CSMD1: variants seen among roughly 807,000 people sequenced by gnomAD.
CSMD1 encodes the protein CUB and Sushi multiple domains 1.
CSMD1 carries 213 observed loss-of-function variants against 417.5 expected under a neutral mutation model. The observed-to-expected ratio is 0.51, with a 90% confidence interval of 0.46 to 0.57. CSMD1 has a LOEUF of 0.57. Among genes scored for constraint, CSMD1 ranks in the 20% least tolerant of loss-of-function variants. The pLI, the probability that CSMD1 is intolerant of heterozygous loss-of-function variation, is 0.00. For synonymous variants in CSMD1, 2,862 were observed against 1,736.8 expected, an observed-to-expected ratio of 1.65 and a Z score of -16.11; for missense variants, 6,923 against 4,529.7, an observed-to-expected ratio of 1.53 and a Z score of -15.17.
intron 2 of CSMD1, among the ~76,000 whole-genome samples, chr8:4,426,346 A>G (rs568545317): frequency 1.3e-5 from 2 of 150,712 alleles, no homozygotes; most frequent in East Asian, 1.9e-4. Context: ...TATAGCATAT[A>G]ATTTTGAAAA....
Position 4,428,841 on chromosome 8 carries a change from C to A in CSMD1, c.303-8776G>T, listed in dbSNP as rs567129565. Among the ~76,000 whole-genome samples the A allele has an allele frequency of 2.6e-5, 4 of 152,146 alleles. No homozygotes were observed. The East Asian group carries it at 7.8e-4, about 29-fold the overall frequency. ...TTGAAGGATTCTCCTGCCTCAGCCTCCTGAGTATCTGGGATTACAGGCACC... is the reference window on the plus strand; with the variant it reads ...TTGAAGGATTCTCCTGCCTCAGCCTACTGAGTATCTGGGATTACAGGCACC... On this transcript the variant is annotated intron_variant, in intron 2 of 69. Transcript: ENST00000635120.
At chr8:4,268,739 C>G (rs760596266) in intron 3 of CSMD1, among the ~76,000 whole-genome samples, 9 of 150,746 alleles carry the variant, frequency 6.0e-5, no homozygotes, top group African/African-American at 2.2e-4. Context: ...CCACTTAATT[C>G]TATTAAATTG....
chr8:3,257,371 T>C (rs541005885), intron 26 of CSMD1, among the ~76,000 whole-genome samples: 18 of 152,336 alleles, frequency 1.2e-4, no homozygotes, highest in African/African-American at 4.1e-4. Context: ...TCAGTTCTAC[T>C]CACTTGGGAC....
intron 2 of CSMD1, among the ~76,000 whole-genome samples, chr8:4,578,207 C>A (rs939389082): frequency 6.6e-6 from 1 of 152,080 alleles, no homozygotes; most frequent in South Asian, 2.1e-4. Flanking sequence ...GTTGCCCACG[C>A]TGGAGTGCAG....
At chr8:4,601,785 A>C (rs1023247529) in intron 2 of CSMD1, among the ~76,000 whole-genome samples, 1 of 152,166 alleles carries the variant, frequency 6.6e-6, no homozygotes, top group Admixed American at 6.5e-5. Flanking sequence ...ACCAAATGAA[A>C]AGTGAGTAAA....
chr8:4,163,633 A>G (rs1797290219), intron 3 of CSMD1, among the ~76,000 whole-genome samples: 1 of 152,190 alleles, frequency 6.6e-6, no homozygotes, highest in Non-Finnish European at 1.5e-5. Flanking sequence ...GACTATCTAC[A>G]TATGGTAAGT....
chr8:3,331,827 T>G (rs555811356), intron 23 of CSMD1, among the ~76,000 whole-genome samples: 1 of 152,242 alleles, frequency 6.6e-6, no homozygotes, highest in Non-Finnish European at 1.5e-5. Context: ...TTTCTTTATG[T>G]GTAAACTTGA....
chr8:4,039,757 G>C (rs537089830), intron 3 of CSMD1, among the ~76,000 whole-genome samples: 9 of 152,304 alleles, frequency 5.9e-5, no homozygotes, highest in African/African-American at 2.2e-4. Context: ...TGATGTGGGG[G>C]AAGTCGTTGT....
At chr8:4,238,484 A>G (rs1374630035) in intron 3 of CSMD1, among the ~76,000 whole-genome samples, 1 of 152,160 alleles carries the variant, frequency 6.6e-6, no homozygotes, top group Non-Finnish European at 1.5e-5. Flanking sequence ...TAGGGTAAGG[A>G]GGCACATTAA....
At chr8:4,782,304 T>C (rs1797193114) in intron 1 of CSMD1, among the ~76,000 whole-genome samples, 2 of 152,208 alleles carry the variant, frequency 1.3e-5, no homozygotes, top group South Asian at 4.1e-4. Flanking sequence ...ATGAATATGC[T>C]AGTTACCTTG....
At chr8:3,448,486 A>T (rs1214665895) in intron 12 of CSMD1, among the ~76,000 whole-genome samples, 1 of 113,510 alleles carries the variant, frequency 8.8e-6, no homozygotes, top group African/African-American at 3.3e-5. Flanking sequence ...CTGTACAAAA[A>T]AGGTGACTTT....
chr8:3,465,157 A>G (rs891380632), intron 12 of CSMD1, among the ~76,000 whole-genome samples: 6 of 152,192 alleles, frequency 3.9e-5, no homozygotes, highest in African/African-American at 1.4e-4. Flanking sequence ...ACCAGCAGGG[A>G]TCCCTGTTGT....
intron 26 of CSMD1, among the ~76,000 whole-genome samples, chr8:3,249,654 T>C (rs574107918): frequency 2.0e-5 from 3 of 152,306 alleles, no homozygotes; most frequent in Admixed American, 1.3e-4. Context: ...AATTAAAACA[T>C]TGATGTATTA....
chr8:4,563,671 T>C (rs748669570), intron 2 of CSMD1, among the ~76,000 whole-genome samples: 1 of 152,210 alleles, frequency 6.6e-6, no homozygotes, highest in East Asian at 1.9e-4. Context: ...ACTTTACACA[T>C]TACAAAATTT....
At position 4,289,589 on chromosome 8, in the gene CSMD1, G is replaced by T. The variant is rs541864634; in HGVS notation, c.415+130364C>A. On this transcript the variant is annotated intron_variant, in intron 3 of 69. Transcript: ENST00000635120. ...ATTCATCACATTTTGTCCAGGTCTGGCAGTGACGATGGTGCCGTGGATGAT... is the reference window on the plus strand; with the variant it reads ...ATTCATCACATTTTGTCCAGGTCTGTCAGTGACGATGGTGCCGTGGATGAT... 8.5e-5 allele frequency among the ~76,000 whole-genome samples: 13 copies of T among 152,266 alleles called. No homozygotes were observed. The East Asian group carries it at 1.9e-3, about 23-fold the overall frequency.
At chr8:4,673,496 T>C (rs1805479421) in intron 1 of CSMD1, among the ~76,000 whole-genome samples, 2 of 152,170 alleles carry the variant, frequency 1.3e-5, no homozygotes, top group South Asian at 4.1e-4. Context: ...ATGATTGCTA[T>C]GTGTTTTGTT....
At chr8:3,920,401 C>T (rs17067986) in intron 5 of CSMD1, among the ~76,000 whole-genome samples, 33,019 of 151,644 alleles carry the variant, frequency 0.22, 4,394 homozygotes, top group East Asian at 0.4. Context: ...ACTGTAGGTT[C>T]TTTTCTAAGA....
At chr8:3,333,502 G>A (rs991750866) in intron 23 of CSMD1, among the ~76,000 whole-genome samples, 8 of 152,252 alleles carry the variant, frequency 5.3e-5, no homozygotes, top group African/African-American at 1.7e-4. Context: ...AAATTTTGCC[G>A]TAAGCTTTTA....
chr8:4,758,457 C>G (rs1382443455), intron 1 of CSMD1, among the ~76,000 whole-genome samples: 5 of 152,038 alleles, frequency 3.3e-5, no homozygotes, highest in African/African-American at 9.7e-5. Flanking sequence ...GAAGCGTGAG[C>G]AAGGAAGGAG....
Sources: gnomAD v4.1 joint callset for allele counts (sites outside exome capture counted in the v4.1 genomes callset) on GRCh38, gnomAD v4.1.1 for gene constraint, MANE v1.5 for transcripts, NCBI Gene and HGNC (gene_info 2026-07-23, HGNC 2026-07-21) for gene names.